The following PPFIA2 variants were observed in gnomAD, a reference collection of about 807,000 sequenced individuals.
PPFIA2 encodes liprin-alpha-2.
A neutral mutation model predicts 175.5 loss-of-function variants in PPFIA2; 46 were observed. That is an observed-to-expected ratio of 0.26 (90% confidence interval 0.21 to 0.34). PPFIA2 has a LOEUF of 0.34. PPFIA2 is among the 10% of genes least tolerant of loss of function. The pLI, the probability that PPFIA2 is intolerant of heterozygous loss-of-function variation, is 1.00. For missense variants in PPFIA2, 1,179 were observed against 1,506.1 expected, an observed-to-expected ratio of 0.78 and a Z score of 3.60; for synonymous variants, 568 against 511.4, an observed-to-expected ratio of 1.11 and a Z score of -1.49.
In PPFIA2 at chr12:81,394,209, GT is replaced by G. The variant is rs149599842; in HGVS notation, c.763-9966del. ...TTTTTGGTCTGATCAAGTTTTGAAAGTTTTTAGATAACTTAGGCAGAACAAC... is the reference window on the plus strand; with the variant it reads ...TTTTTGGTCTGATCAAGTTTTGAAAGTTTTAGATAACTTAGGCAGAACAAC... On this transcript the variant is annotated intron_variant, in intron 8 of 32. Coordinates refer to ENST00000549396, the MANE Select transcript of PPFIA2 (RefSeq NM_003625.5). Among the ~76,000 whole-genome samples the G allele has an allele frequency of 3.7e-3, 561 of 152,094 alleles. 3 individuals carry two copies. The highest frequency in any genetic ancestry group is 0.013 in the African/African-American group (531 of 41,522).
At chr12:81,285,511 T>TA (rs1236402900) in intron 24 of PPFIA2, among the ~76,000 whole-genome samples, 3 of 152,078 alleles carry the variant, frequency 2.0e-5, no homozygotes, top group Non-Finnish European at 4.4e-5. Flanking sequence ...TGTATATACA[T>TA]ACATATATAC....
At chr12:81,562,846 C>CAAAAAAAA (rs11475809) in intron 4 of PPFIA2, among the ~76,000 whole-genome samples, 6 of 29,586 alleles carry the variant, frequency 2.0e-4, no homozygotes, top group African/African-American at 6.3e-4. Flanking sequence ...GACTCTGTCT[C>CAAAAAAAA]AAAAAAAAAA....
At chr12:81,680,546 G>GGAT (rs1211237400) in intron 3 of PPFIA2, among the ~76,000 whole-genome samples, 5 of 151,848 alleles carry the variant, frequency 3.3e-5, no homozygotes, top group African/African-American at 1.2e-4. Context: ...ACCACAGGCT[G>GGAT]GTAAATCTTG....
intron 6 of PPFIA2, among the ~76,000 whole-genome samples, chr12:81,444,687 A>C (rs1156240061): frequency 6.6e-6 from 1 of 152,094 alleles, no homozygotes; most frequent in Non-Finnish European, 1.5e-5. Flanking sequence ...ATAAATGTAT[A>C]TAAATATTAA....
At chr12:81,438,576 T>C (rs2144899486) in intron 7 of PPFIA2, among the ~76,000 whole-genome samples, 1 of 152,362 alleles carries the variant, frequency 6.6e-6, no homozygotes, top group East Asian at 1.9e-4. Flanking sequence ...GTATGCATAA[T>C]GTATATGTAA....
At chr12:81,630,899 A>ATATATATATATATATTT (rs1411924550) in intron 4 of PPFIA2, among the ~76,000 whole-genome samples, 2 of 106,448 alleles carry the variant, frequency 1.9e-5, no homozygotes, top group African/African-American at 5.8e-5. Context: ...ATATATATAT[A>ATATATATATATATATTT]TTTTTTTTTT....
At position 81,382,241 on chromosome 12, in the gene PPFIA2, G is replaced by C. The variant is rs552729661; in HGVS notation, c.984+1782C>G. Among the ~76,000 whole-genome samples, 34 of 152,270 alleles carry C rather than the reference G, an allele frequency of 2.2e-4. No homozygotes were observed. In the South Asian group the frequency reaches 6.8e-3, roughly 31 times the overall value. On this transcript the variant is annotated intron_variant, in intron 9 of 32. Coordinates refer to ENST00000549396, the MANE Select transcript of PPFIA2 (RefSeq NM_003625.5). Reference sequence around the variant, plus strand: ...CTTAAGAGGTCACTCCAGTTGAGCAGAGCATGTTAGGATGAGACAGTAGAT... The same window carrying C: ...CTTAAGAGGTCACTCCAGTTGAGCACAGCATGTTAGGATGAGACAGTAGAT...
intron 5 of PPFIA2, among the ~76,000 whole-genome samples, chr12:81,446,070 T>C (rs1178130844): frequency 6.6e-6 from 1 of 152,212 alleles, no homozygotes; most frequent in Non-Finnish European, 1.5e-5. Flanking sequence ...TGCATCATGA[T>C]CTTTTTAGAG....
intron 3 of PPFIA2, among the ~76,000 whole-genome samples, chr12:81,741,808 G>T (rs995209107): frequency 1.3e-5 from 2 of 152,078 alleles, no homozygotes; most frequent in Admixed American, 6.6e-5. Flanking sequence ...GTAAGATAAA[G>T]AAATAAAATA....
intron 4 of PPFIA2, among the ~76,000 whole-genome samples, chr12:81,524,386 C>T (rs1451784909): frequency 6.6e-6 from 1 of 152,186 alleles, no homozygotes; most frequent in Non-Finnish European, 1.5e-5. Flanking sequence ...AGACCTCTGC[C>T]CCAGTGGGCC....
At chr12:81,492,903 A>T (rs1018495926) in intron 4 of PPFIA2, among the ~76,000 whole-genome samples, 1 of 152,210 alleles carries the variant, frequency 6.6e-6, no homozygotes, top group Admixed American at 6.6e-5. Context: ...GATAAAGGTG[A>T]CTTGAACCTA....
rs140539557 is a variant in PPFIA2, at chr12:81,295,125, C to G, written c.2725-90G>C. The G allele has an allele frequency of 2.5e-3, 2,836 of 1,147,064 alleles. 6 individuals are homozygous for G. Among genetic ancestry groups the G allele is most frequent in the Non-Finnish European group, 3.1e-3 (2,476 of 798,688 alleles). 71.1% of individuals were successfully genotyped at this position (1,147,064 alleles called of 1,614,324 possible). A position where few individuals can be genotyped will look rare whatever the true frequency, so the allele number is the denominator to read the frequency against. On this transcript the variant is annotated intron_variant, in intron 23 of 32. Transcript: ENST00000549396. ...GCTAGGAATTATTTTATGTATCTTA[C>G]ATACATGACCTCACCCCACGAGATA...
chr12:81,512,060 G>A (rs144264795), intron 4 of PPFIA2, among the ~76,000 whole-genome samples: 326 of 152,168 alleles, frequency 2.1e-3, no homozygotes, highest in Admixed American at 7.7e-3. Context: ...AGTTACTCCA[G>A]TAAACGGAAT....
At chr12:81,700,096 C>T (rs2076327353) in intron 3 of PPFIA2, among the ~76,000 whole-genome samples, 1 of 151,932 alleles carries the variant, frequency 6.6e-6, no homozygotes, top group Admixed American at 6.6e-5. Context: ...TGCCTCTTCA[C>T]CTGAGCTCCC....
intron 4 of PPFIA2, among the ~76,000 whole-genome samples, chr12:81,512,902 C>T (rs1594279468): frequency 6.6e-6 from 1 of 151,838 alleles, no homozygotes; most frequent in East Asian, 1.9e-4. Flanking sequence ...GAGTAGTATT[C>T]CATGGTGTTA....
chr12:81,367,227 AT>A (rs2033751464), intron 13 of PPFIA2, 57 bp from the exon 14 acceptor site: 1 of 1,098,296 alleles, frequency 9.1e-7, no homozygotes, highest in Non-Finnish European at 1.2e-6. Context: ...ATACTTAAAA[AT>A]ATATTGATTA....
intron 29 of PPFIA2, 43 bp downstream of exon 29, chr12:81,267,869 T>C: frequency 6.6e-7 from 1 of 1,525,806 alleles, no homozygotes; most frequent in East Asian, 2.4e-5. Flanking sequence ...TTTATCATTA[T>C]ATAAACCAGA....
chr12:81,705,083 T>TAA (rs557079067), intron 3 of PPFIA2, among the ~76,000 whole-genome samples: 4,854 of 32,358 alleles, frequency 0.15, 1,026 homozygotes, highest in Non-Finnish European at 0.2. Flanking sequence ...AAACTCTGTC[T>TAA]AAAAAAAAAA....
intron 26 of PPFIA2, 24 bp downstream of exon 26, chr12:81,282,986 T>C (rs767428218): frequency 7.5e-6 from 12 of 1,597,746 alleles, no homozygotes; most frequent in Non-Finnish European, 1.0e-5. Flanking sequence ...ATATTAAGGG[T>C]CTTAAAGCAT....
Sources: allele counts gnomAD v4.1 joint callset (sites outside exome capture counted in the v4.1 genomes callset), GRCh38; gene constraint gnomAD v4.1.1; transcripts MANE v1.5; gene names NCBI Gene and HGNC (gene_info 2026-07-23, HGNC 2026-07-21).